CRNKL1: variants seen among roughly 807,000 people sequenced by gnomAD.
The protein encoded by CRNKL1 is crooked neck-like protein 1.
Under a neutral mutation model 103.7 loss-of-function variants are expected in CRNKL1, and 35 were observed. That is an observed-to-expected ratio of 0.34 (90% CI 0.26 to 0.45). CRNKL1 has a LOEUF of 0.45. Ranked by LOEUF, CRNKL1 falls within the 20% of genes least tolerant of loss-of-function variation. The pLI, the probability that CRNKL1 is intolerant of heterozygous loss-of-function variation, is 1.00. For synonymous variants in CRNKL1, 267 were observed against 282.6 expected (o/e 0.94, Z 0.55); for missense variants, 645 against 836.0 (o/e 0.77, Z 2.82).
At chr20:20,049,569 A>C in intron 2 of CRNKL1, 138 bp from the exon 3 acceptor site, 1 of 584,834 alleles carries the variant, frequency 1.7e-6, no homozygotes, top group Non-Finnish European at 3.0e-6. Flanking sequence ...GGAATCCTTG[A>C]GGAATAAGAA....
At chr20:20,043,774 T>C (rs1381795152) in intron 6 of CRNKL1, 112 bp from the exon 7 acceptor site, 4 of 941,274 alleles carry the variant, frequency 4.2e-6, no homozygotes, top group Non-Finnish European at 4.8e-6. Flanking sequence ...TGAGGCCTCA[T>C]AATATCCAGA....
At position 20,050,577 on chromosome 20, in the gene CRNKL1, G is replaced by A; in HGVS notation, c.97C>T (p.Leu33Phe). 6.2e-7 allele frequency: 1 copy of A among 1,613,928 alleles called. No individual in the cohort carries two copies. Among genetic ancestry groups the A allele is most frequent in the Non-Finnish European group, 8.5e-7 (1 of 1,179,864 alleles). Residue 33 changes from leucine to phenylalanine, a missense_variant, in exon 2 of 14, where the codon CTC (leucine) becomes TTC (phenylalanine). Leu to Phe is a conservative substitution (Grantham distance 22). This residue lies in a region of CRNKL1 where 63 missense variants were observed against 128.3 expected (regional missense o/e 0.49). Coordinates refer to ENST00000536226, the MANE Select transcript of CRNKL1 (RefSeq NM_001278628.2). ...PAEVQITAEQLLREAKERELE... is the reference protein window; with the variant it reads ...PAEVQITAEQFLREAKERELE... ...TCTCTTTCTTTAGCCTCTCTTAAGA[G>A]TTGTTCAGCAGTTATCTGTACCTCA...
chr20:20,043,650 G>C lies in CRNKL1; in HGVS notation c.814C>G (p.Arg272Gly), dbSNP rs776139384. ...EENQKEFERV[R>G]VIYKYALDRI... ...TCCAGGGCATACTTGTAAATCACTC[G>C]TACCCTTTCAAACTAAATGCAGACA... is the stretch of plus-strand genomic sequence containing the variant. Residue 272 changes from arginine to glycine, a missense_variant, in exon 7 of 14, where the codon CGA (arginine) becomes GGA (glycine). Physicochemically the swap from Arg to Gly is moderately radical, Grantham distance 125 (BLOSUM62 -2). This residue lies in a region of CRNKL1 where 582 missense variants were observed against 707.7 expected (regional missense o/e 0.82). Coordinates refer to ENST00000536226, the MANE Select transcript of CRNKL1 (RefSeq NM_001278628.2). 2 of 1,612,788 alleles carry C rather than the reference G, an allele frequency of 1.2e-6. No homozygotes were observed.
intron 11 of CRNKL1, among the ~76,000 whole-genome samples, chr20:20,038,988 T>C (rs2043467727): frequency 6.6e-6 from 1 of 152,172 alleles, no homozygotes; most frequent in Admixed American, 6.5e-5. Flanking sequence ...GGACAACTGA[T>C]GAACTCAGTG....
intron 5 of CRNKL1, among the ~76,000 whole-genome samples, chr20:20,047,447 C>T (rs558140359): frequency 2.0e-5 from 3 of 152,286 alleles, no homozygotes; most frequent in African/African-American, 7.2e-5. Flanking sequence ...GGGACTTAAG[C>T]ATCACCGATT....
At chr20:20,052,874 G>C (rs2043861370), upstream of CRNKL1, 3 of 707,318 alleles carry the variant, frequency 4.2e-6, no homozygotes, top group Middle Eastern at 8.1e-4. Context: ...AGTAGTCTCT[G>C]GGTCCACGCC....
chr20:20,043,410 C>T, intron 7 of CRNKL1, 82 bp downstream of exon 7: 1 of 1,320,574 alleles, frequency 7.6e-7, no homozygotes, highest in Non-Finnish European at 1.1e-6. Flanking sequence ...GTGCTACTTG[C>T]TATTATTCAT....
rs1331459406 is a variant in CRNKL1, at chr20:20,039,757, T to G, written c.1397A>C (p.Lys466Thr). 1.9e-6 allele frequency: 3 copies of G among 1,614,090 alleles called. No homozygotes were observed. Among genetic ancestry groups the G allele is most frequent in the Non-Finnish European group, 2.5e-6 (3 of 1,180,042 alleles). ...AAATTCCAGGAACTTTTCATAAAGC[T>G]TCCGGCATCTGTCAAATTCTCGAAG... ...LQLREFDRCR[K>T]LYEKFLEFGP... Residue 466 changes from lysine to threonine, a missense_variant, in exon 11 of 14, where the codon AAG (lysine) becomes ACG (threonine). Physicochemically the swap from Lys to Thr is moderately conservative, Grantham distance 78 (BLOSUM62 -1). Coordinates refer to ENST00000536226, the MANE Select transcript of CRNKL1 (RefSeq NM_001278628.2).
chr20:20,045,820 C>G (rs1435964320), intron 5 of CRNKL1, among the ~76,000 whole-genome samples: 1 of 152,166 alleles, frequency 6.6e-6, no homozygotes, highest in Non-Finnish European at 1.5e-5. Context: ...TCAGCTGTTT[C>G]ATTTGTAAAC....
At chr20:20,045,547 G>A in intron 5 of CRNKL1, 61 bp from the exon 6 acceptor site, 2 of 1,449,026 alleles carry the variant, frequency 1.4e-6, no homozygotes, top group Admixed American at 2.0e-5. Flanking sequence ...TAGTAAGTAA[G>A]TAAACACCAA....
chr20:20,036,820 A>G (rs1320710762), intron 13 of CRNKL1, among the ~76,000 whole-genome samples: 1 of 152,204 alleles, frequency 6.6e-6, no homozygotes, highest in East Asian at 1.9e-4. Context: ...TTCTAGTTCC[A>G]GCTTCCATGT....
intron 10 of CRNKL1, among the ~76,000 whole-genome samples, 186 bp downstream of exon 10, chr20:20,040,500 G>T (rs951211961): frequency 4.6e-5 from 7 of 152,150 alleles, no homozygotes; most frequent in African/African-American, 1.4e-4. Flanking sequence ...CAGGTAATAA[G>T]AATAATTTAC....
rs577999967 is a variant in CRNKL1, at chr20:20,051,369, T to G, written c.52-747A>C. Among the ~76,000 whole-genome samples, 6 of 152,354 alleles carry G rather than the reference T, an allele frequency of 3.9e-5. 1 individual carries two copies. The East Asian group carries it at 1.2e-3, about 29-fold the overall frequency. On this transcript the variant is annotated intron_variant, in intron 1 of 13. Transcript: ENST00000536226. ...AATTAATTTCACTTTTTTGCTTTGT[T>G]TTTACTTTTTAATGTAGATATGAGA...
rs1272261551 is a variant in CRNKL1, at chr20:20,042,455, T to C, written c.1034A>G (p.Glu345Gly). ...DYLRLVESDA[E>G]AEAVREVYER... Reference sequence around the variant, plus strand: ...ATAGACTTCTCTCACGGCTTCAGCTTCTGCGTCACTTTCTACCAAGCGCAA... The same window carrying C: ...ATAGACTTCTCTCACGGCTTCAGCTCCTGCGTCACTTTCTACCAAGCGCAA... Residue 345 changes from glutamate (E) to glycine (G), a missense_variant, in exon 8 of 14, where the codon GAA (glutamate) becomes GGA (glycine). Glu to Gly is a moderately conservative substitution (Grantham distance 98). This residue lies in a region of CRNKL1 where 582 missense variants were observed against 707.7 expected (regional missense o/e 0.82). Coordinates refer to ENST00000536226, the MANE Select transcript of CRNKL1 (RefSeq NM_001278628.2). 1 of 1,614,062 alleles carries C rather than the reference T, an allele frequency of 6.2e-7. No homozygotes were observed. Among genetic ancestry groups the C allele is most frequent in the East Asian group, 2.2e-5 (1 of 44,892 alleles).
intron 1 of CRNKL1, 85 bp downstream of exon 1, chr20:20,052,207 A>G: frequency 8.4e-7 from 1 of 1,187,482 alleles, no homozygotes; most frequent in Non-Finnish European, 1.2e-6. Context: ...CGGCGGGAAC[A>G]CTCTCTCCCA....
rs373695701 is a variant in CRNKL1 at position 20,052,382 on chromosome 20, G to A, written c.-40C>T. 6.8e-6 allele frequency: 11 copies of A among 1,614,202 alleles called. 1 individual carries two copies. Among genetic ancestry groups the A allele is most frequent in the African/African-American group, 4.0e-5 (3 of 75,056 alleles). On this transcript the variant is annotated 5_prime_UTR_variant, in exon 1 of 14. Coordinates refer to ENST00000536226, the MANE Select transcript of CRNKL1 (RefSeq NM_001278628.2). ...ACCTCTGGACACCTGTCCCCGGCAC[G>A]GACGCTAGAAATCGGCTCTGAGAGC...
intron 2 of CRNKL1, among the ~76,000 whole-genome samples, chr20:20,050,256 G>T (rs2043666299): frequency 6.6e-6 from 1 of 152,218 alleles, no homozygotes; most frequent in South Asian, 2.1e-4. Context: ...AAATTATGCA[G>T]ATTCAATTTC....
intron 7 of CRNKL1, 122 bp from the exon 8 acceptor site, chr20:20,042,638 G>T: frequency 1.2e-6 from 1 of 834,404 alleles, no homozygotes; most frequent in Non-Finnish European, 1.9e-6. Flanking sequence ...TCTTCTAAAT[G>T]TTACATGTTC....
intron 5 of CRNKL1, among the ~76,000 whole-genome samples, chr20:20,047,480 G>A (rs1359440922): frequency 6.6e-6 from 1 of 152,140 alleles, no homozygotes; most frequent in Non-Finnish European, 1.5e-5. Context: ...TGAGTTCCTG[G>A]AAACAATCCC....
Sources: gnomAD v4.1 joint callset for allele counts (sites outside exome capture counted in the v4.1 genomes callset) on GRCh38, gnomAD v4.1.1 for gene constraint, gnomAD v4.1.1 regional missense constraint, MANE v1.5 for transcripts, NCBI Gene and HGNC (gene_info 2026-07-23, HGNC 2026-07-21) for gene names.